HDAC9: variants seen among roughly 807,000 people sequenced by gnomAD.
HDAC9 encodes the protein MEF-2 interacting transcription repressor (MITR) protein.
Under a neutral mutation model 139.4 loss-of-function variants are expected in HDAC9, and 41 were observed. That is an observed-to-expected ratio of 0.29 (90% confidence interval 0.23 to 0.38). The LOEUF (loss-of-function observed/expected upper bound fraction) is 0.38, where lower values mean the gene tolerates loss of function less well. HDAC9 is among the 10% of genes least tolerant of loss of function. The pLI is 1.00. For synonymous variants in HDAC9, 517 were observed against 476.2 expected (o/e 1.09, Z -1.12); for missense variants, 1,147 against 1,297.0 (o/e 0.88, Z 1.78).
intron 22 of HDAC9, chr7:18,892,273 C>T (rs141178786): frequency 4.0e-4 from 61 of 152,210 alleles, no homozygotes; most frequent in Non-Finnish European, 6.0e-4. Context: ...TCAAGAGCTA[C>T]GAACATTTAA....
exon 2 of HDAC9, chr7:18,162,288 A>T: frequency 6.5e-7 from 1 of 1,533,026 alleles, no homozygotes; most frequent in South Asian, 1.2e-5. Context: ...AAAGGCTGTG[A>T]ATCTGCATCC....
chr7:18,711,135 C>G (rs1227479699), intron 12 of HDAC9, among the ~76,000 whole-genome samples: 1 of 152,162 alleles, frequency 6.6e-6, no homozygotes, highest in African/African-American at 2.4e-5. Flanking sequence ...GCAGTAGATA[C>G]TACTGTTATT....
rs193294170 is a variant in HDAC9, at chr7:18,688,344, A to G, written c.1731+21868A>G. 1.3e-4 allele frequency among the ~76,000 whole-genome samples: 20 copies of G among 151,924 alleles called. No homozygotes were observed. In the East Asian group the frequency reaches 3.7e-3, roughly 28 times the overall value. ...CCGGGAATGCATTTCTAAACTTCTAAATGATGAAGGTTCCATTTCTAGTAT... is the reference window on the plus strand; with the variant it reads ...CCGGGAATGCATTTCTAAACTTCTAGATGATGAAGGTTCCATTTCTAGTAT... On this transcript the variant is annotated intron_variant, in intron 12 of 25. Transcript: ENST00000686413.
chr7:18,718,689 ATTGT>A (rs1562879442), intron 12 of HDAC9, among the ~76,000 whole-genome samples: 1 of 152,066 alleles, frequency 6.6e-6, no homozygotes, highest in African/African-American at 2.4e-5. Flanking sequence ...GGACATTTGG[ATTGT>A]TTGTACTTTG....
At chr7:18,459,130 A>G (rs1793612349) in intron 1 of HDAC9, among the ~76,000 whole-genome samples, 1 of 152,130 alleles carries the variant, frequency 6.6e-6, no homozygotes, top group African/African-American at 2.4e-5. Flanking sequence ...CAAAACTCAG[A>G]TCGATTAGAC....
At chr7:18,885,606 C>T (rs1800085124) in intron 22 of HDAC9, among the ~76,000 whole-genome samples, 1 of 152,160 alleles carries the variant, frequency 6.6e-6, no homozygotes, top group South Asian at 2.1e-4. Context: ...ACAACCAGAT[C>T]TCATGTCTCT....
At position 18,658,762 on chromosome 7, in the gene HDAC9, G is replaced by T. The variant is rs571624773; in HGVS notation, c.1468-7451G>T. ...CTCTGCATGTTGTTTTTTGAGAACA[G>T]TTGGTCCATACCTAATCTATTTGTG... On this transcript the variant is annotated intron_variant, in intron 11 of 25. Coordinates refer to ENST00000686413, the MANE Select transcript of HDAC9 (RefSeq NM_178425.4). Among the ~76,000 whole-genome samples the T allele has an allele frequency of 7.2e-5, 11 of 152,066 alleles. No individual in the cohort carries two copies. In the South Asian group the frequency reaches 1.2e-3, roughly 17 times the overall value.
At chr7:18,647,730 C>A in intron 9 of HDAC9, 55 bp from the exon 10 acceptor site, 1 of 1,420,644 alleles carries the variant, frequency 7.0e-7, no homozygotes, top group Non-Finnish European at 9.6e-7. Context: ...ATTTAGAGAC[C>A]CAGTGACCCA....
intron 12 of HDAC9, among the ~76,000 whole-genome samples, chr7:18,669,578 C>G (rs1412172503): frequency 6.6e-6 from 1 of 151,812 alleles, no homozygotes; most frequent in African/African-American, 2.4e-5. Context: ...AGTCACAATT[C>G]TGGAAATACC....
At chr7:18,216,117 TG>T (rs1160687607) in intron 2 of HDAC9, among the ~76,000 whole-genome samples, 6 of 150,964 alleles carry the variant, frequency 4.0e-5, no homozygotes, top group Admixed American at 3.3e-4. Flanking sequence ...TGTGTGTGTG[TG>T]TGTGTGTGTG....
chr7:18,725,836 C>A (rs1250222582), intron 12 of HDAC9, among the ~76,000 whole-genome samples: 4 of 152,120 alleles, frequency 2.6e-5, no homozygotes, highest in African/African-American at 9.7e-5. Flanking sequence ...ACACAAGACA[C>A]TCAAGAAAAC....
chr7:18,516,317 C>T (rs975245021), intron 2 of HDAC9, among the ~76,000 whole-genome samples: 3 of 152,138 alleles, frequency 2.0e-5, no homozygotes, highest in African/African-American at 7.2e-5. Context: ...TTCAGTTATG[C>T]TCATATCCAT....
intron 6 of HDAC9, among the ~76,000 whole-genome samples, chr7:18,608,074 A>G (rs1174244790): frequency 1.3e-5 from 2 of 152,194 alleles, no homozygotes; most frequent in African/African-American, 4.8e-5. Flanking sequence ...TTCCTAATTT[A>G]TAGTATTCAC....
At chr7:18,617,680 TCTA>T (rs1204545756) in intron 6 of HDAC9, among the ~76,000 whole-genome samples, 2 of 152,280 alleles carry the variant, frequency 1.3e-5, no homozygotes, top group African/African-American at 4.8e-5. Context: ...AAAATTACAT[TCTA>T]CTCAGTTGAG....
intron 2 of HDAC9, among the ~76,000 whole-genome samples, chr7:18,537,033 T>C (rs1811141874): frequency 6.6e-6 from 1 of 152,182 alleles, no homozygotes; most frequent in African/African-American, 2.4e-5. Flanking sequence ...CCTGACTCTC[T>C]TGGGATCATC....
chr7:18,514,814 G>T (rs758065934), intron 2 of HDAC9, among the ~76,000 whole-genome samples: 5 of 152,076 alleles, frequency 3.3e-5, no homozygotes, highest in Non-Finnish European at 7.4e-5. Context: ...GGCTGTTGTG[G>T]TGTGTGCCTG....
At chr7:18,295,371 G>C (rs986084910) in intron 1 of HDAC9, among the ~76,000 whole-genome samples, 2 of 152,114 alleles carry the variant, frequency 1.3e-5, no homozygotes, top group African/African-American at 4.8e-5. Flanking sequence ...AAATACCATG[G>C]AATTGGTATC....
intron 11 of HDAC9, among the ~76,000 whole-genome samples, chr7:18,649,954 G>A (rs1027177662): frequency 6.6e-6 from 1 of 152,076 alleles, no homozygotes; most frequent in African/African-American, 2.4e-5. Context: ...CCCTTTCTGT[G>A]TCATTAGATA....
intron 2 of HDAC9, among the ~76,000 whole-genome samples, chr7:18,542,309 T>C (rs1304302359): frequency 1.3e-5 from 2 of 152,192 alleles, no homozygotes; most frequent in Non-Finnish European, 2.9e-5. Flanking sequence ...CTTGATCAAA[T>C]TACCAACTTC....
Sources: allele counts gnomAD v4.1 joint callset (sites outside exome capture counted in the v4.1 genomes callset), GRCh38; gene constraint gnomAD v4.1.1; transcripts MANE v1.5; gene names NCBI Gene and HGNC (gene_info 2026-07-23, HGNC 2026-07-21).